The following VDR variants were observed in gnomAD, a reference collection of about 807,000 sequenced individuals.
VDR encodes the protein vitamin D3 receptor.
In VDR, 19 loss-of-function variants were observed where a neutral mutation model predicts 39.7. That is an observed-to-expected ratio of 0.48 (90% CI 0.33 to 0.70). The LOEUF (loss-of-function observed/expected upper bound fraction) is 0.70, where lower values mean the gene tolerates loss of function less well. VDR is among the 30% of genes least tolerant of loss of function. VDR has a pLI of 0.02. For synonymous variants in VDR, 242 were observed against 215.8 expected (o/e 1.12, Z -1.07); for missense variants, 442 against 570.5 (o/e 0.77, Z 2.29).
chr12:47,853,624 G>A (rs1318266668), intron 7 of VDR, among the ~76,000 whole-genome samples: 1 of 151,968 alleles, frequency 6.6e-6, no homozygotes, highest in Non-Finnish European at 1.5e-5. Flanking sequence ...GCGTGGTGGT[G>A]CGTGCCTGTA....
intron 3 of VDR, among the ~76,000 whole-genome samples, chr12:47,874,049 T>A (rs989063640): frequency 6.6e-6 from 1 of 152,194 alleles, no homozygotes; most frequent in Non-Finnish European, 1.5e-5. Flanking sequence ...AATAAAAGAA[T>A]GACAAAAAGG....
At chr12:47,888,896 G>T (rs190451078) in intron 1 of VDR, among the ~76,000 whole-genome samples, 1 of 152,226 alleles carries the variant, frequency 6.6e-6, no homozygotes, top group East Asian at 1.9e-4. Context: ...CCAAAAGCTA[G>T]GAAAGAAGAT....
At chr12:47,887,322 CAAAAA>C (rs10686139) in intron 1 of VDR, among the ~76,000 whole-genome samples, 3 of 72,106 alleles carry the variant, frequency 4.2e-5, no homozygotes, top group Admixed American at 1.9e-4. Context: ...AACTCCGTCT[CAAAAA>C]AAAAAAAAAA....
At chr12:47,886,366 T>G (rs74484027) in intron 1 of VDR, among the ~76,000 whole-genome samples, 243 of 152,356 alleles carry the variant, frequency 1.6e-3, no homozygotes, top group African/African-American at 5.1e-3. Flanking sequence ...TTTATTCTGG[T>G]GCATAACTCA....
intron 9 of VDR, among the ~76,000 whole-genome samples, chr12:47,845,740 C>T (rs1945267662): frequency 6.6e-6 from 1 of 152,160 alleles, no homozygotes; most frequent in Admixed American, 6.5e-5. Flanking sequence ...GCCTCCAGTC[C>T]AGGAAAGCAT....
chr12:47,867,064 G>A (rs762926107), intron 3 of VDR, among the ~76,000 whole-genome samples: 6 of 150,502 alleles, frequency 4.0e-5, no homozygotes, highest in Non-Finnish European at 7.4e-5. Flanking sequence ...TAGAAAGGTG[G>A]CACCCTTGAG....
intron 1 of VDR, among the ~76,000 whole-genome samples, chr12:47,893,887 A>T (rs1008892607): frequency 2.6e-5 from 4 of 152,188 alleles, no homozygotes; most frequent in African/African-American, 9.7e-5. Context: ...GCTGGCCAAC[A>T]TGACACAAGC....
At chr12:47,845,291 G>A (rs1186355772) in intron 9 of VDR, among the ~76,000 whole-genome samples, 7 of 151,718 alleles carry the variant, frequency 4.6e-5, no homozygotes, top group Non-Finnish European at 8.8e-5. Flanking sequence ...GTCCCGATGC[G>A]CCATGCTCTC....
intron 2 of VDR, among the ~76,000 whole-genome samples, chr12:47,879,769 CT>C (rs927426939): frequency 1.1e-4 from 17 of 152,268 alleles, no homozygotes; most frequent in African/African-American, 2.6e-4. Flanking sequence ...TTTCCCCCCC[CT>C]TTTTTTGGCA....
At chr12:47,872,850 T>G (rs1414599751) in intron 3 of VDR, among the ~76,000 whole-genome samples, 1 of 152,242 alleles carries the variant, frequency 6.6e-6, no homozygotes, top group Non-Finnish European at 1.5e-5. Flanking sequence ...CTATCACCAC[T>G]GGAAGCTTTC....
chr12:47,868,052 AC>A (rs1356119030), intron 3 of VDR, among the ~76,000 whole-genome samples: 1 of 152,170 alleles, frequency 6.6e-6, no homozygotes, highest in African/African-American at 2.4e-5. Context: ...TATACGTGGG[AC>A]CACTGAGGTT....
At chr12:47,859,244 G>A (rs917860061) in intron 4 of VDR, among the ~76,000 whole-genome samples, 7 of 152,222 alleles carry the variant, frequency 4.6e-5, no homozygotes, top group African/African-American at 7.2e-5. Flanking sequence ...CTACAGGCAC[G>A]TAGCTCAGCC....
chr12:47,865,015 GC>G, intron 4 of VDR, 31 bp downstream of exon 4: 1 of 1,611,396 alleles, frequency 6.2e-7, no homozygotes, highest in African/African-American at 1.3e-5. Context: ...TCCACTTCAG[GC>G]CCAAACCCTG....
intron 6 of VDR, 89 bp from the exon 7 acceptor site, chr12:47,855,890 C>T: frequency 6.5e-7 from 1 of 1,539,288 alleles, no homozygotes; most frequent in Non-Finnish European, 8.9e-7. Flanking sequence ...CTGGTGTGCC[C>T]TGGCAGCAGA....
chr12:47,876,924 G>A (rs1435196376), intron 3 of VDR, among the ~76,000 whole-genome samples: 1 of 152,216 alleles, frequency 6.6e-6, no homozygotes, highest in Admixed American at 6.5e-5. Context: ...ATCTCAGGGG[G>A]GAGGAGGCCT....
chr12:47,868,661 G>A (rs966278550), intron 3 of VDR, among the ~76,000 whole-genome samples: 2 of 152,096 alleles, frequency 1.3e-5, no homozygotes, highest in Non-Finnish European at 1.5e-5. Flanking sequence ...TGTGGTTCTT[G>A]AGGCTTCATC....
In VDR at chr12:47,857,224, C is replaced by G; in HGVS notation, c.488G>C (p.Gly163Ala). The G allele has an allele frequency of 5.0e-6, 8 of 1,614,196 alleles. No individual in the cohort carries two copies. The highest frequency in any genetic ancestry group is 6.8e-6 in the Non-Finnish European group (8 of 1,180,038). Residue 163 changes from glycine (G) to alanine (A), a missense_variant, in exon 6 of 10, where the codon GGA becomes GCA. Gly to Ala is a moderately conservative substitution (Grantham distance 60, BLOSUM62 0). This residue lies in a region of VDR where 77 missense variants were observed against 67.4 expected (regional missense o/e 1.14). Transcript: ENST00000549336. Reference protein sequence around the residue: ...FRPPVRVNDGGGSHPSRPNSR... With the variant: ...FRPPVRVNDGAGSHPSRPNSR... ...GTTGGGCCTGGAAGGATGGCTCCCT[C>G]CACCATCATTCACACGAACTGGAGG...
chr12:47,893,421 G>C (rs1946407926), intron 1 of VDR, among the ~76,000 whole-genome samples: 1 of 151,748 alleles, frequency 6.6e-6, no homozygotes, highest in African/African-American at 2.4e-5. Context: ...AGCTAGAAGG[G>C]AGAGGTAAAG....
intron 3 of VDR, among the ~76,000 whole-genome samples, chr12:47,869,412 T>C (rs1808207): frequency 0.019 from 2,822 of 151,986 alleles, 92 homozygotes; most frequent in African/African-American, 0.064. Flanking sequence ...GGCGGGCGCC[T>C]GTAGTCCCAG....
Sources: allele counts gnomAD v4.1 joint callset (sites outside exome capture counted in the v4.1 genomes callset), GRCh38; gene constraint gnomAD v4.1.1; regional missense constraint gnomAD v4.1.1; transcripts MANE v1.5; gene names NCBI Gene and HGNC (gene_info 2026-07-23, HGNC 2026-07-21).